Variants in UTP20 observed in about 807,000 individuals in gnomAD.
UTP20 encodes UTP20 small subunit processome component.
UTP20 carries 164 observed loss-of-function variants against 329.5 expected under a neutral mutation model. The ratio of observed to expected loss-of-function variants is 0.50; its 90% confidence interval spans 0.44 to 0.57. The LOEUF is 0.57. Among genes scored for constraint, UTP20 ranks in the 20% least tolerant of loss-of-function variants. UTP20 has a pLI of 0.00. For missense variants in UTP20, 3,055 were observed against 3,284.2 expected (o/e 0.93, Z 1.71); for synonymous variants, 1,151 against 1,159.3 (o/e 0.99, Z 0.14).
At chr12:101,354,705 G>A (rs1869656988) in intron 40 of UTP20, 127 bp from the exon 41 acceptor site, 2 of 969,094 alleles carry the variant, frequency 2.1e-6, no homozygotes, top group Admixed American at 2.6e-5. Context: ...CACTTACCTT[G>A]CCTGCCCACA....
chr12:101,373,633 A>C lies in UTP20; in HGVS notation c.6997A>C (p.Met2333Leu). 6.2e-7 allele frequency: 1 copy of C among 1,613,116 alleles called. No homozygotes were observed. Among genetic ancestry groups the C allele is most frequent in the Non-Finnish European group, 8.5e-7 (1 of 1,179,830 alleles). The change falls in exon 54 of 62, where the codon ATG (methionine) becomes CTG (leucine). Residue 2333 changes from methionine to leucine, a missense_variant. Around this residue, in one of 3 missense-constraint regions of UTP20, gnomAD observed 273 missense variants for 363.1 expected, o/e 0.75. Coordinates refer to ENST00000261637, the MANE Select transcript of UTP20 (RefSeq NM_014503.3). ...AATGTTCTTTATCCCTCTTTGTCTA[A>C]TGACGATCAATGATGACTCTGCCAC... ...CGMFFIPLCL[M>L]TINDDSATCK...
At position 101,290,197 on chromosome 12, in the gene UTP20, A is replaced by G. The variant is rs1490242538; in HGVS notation, c.658A>G (p.Lys220Glu). ...TCTTGATCTTGATAAACATCCAGAA[A>G]AAGTTGAAGGTGTTGGACAGTTGCT... ...MFLDLDKHPE[K>E]VEGVGQLLFE... is the part of the protein sequence containing the mutation. The change falls in exon 7 of 62, where the codon AAA becomes GAA. Residue 220 changes from lysine to glutamate, a missense_variant. Coordinates refer to ENST00000261637, the MANE Select transcript of UTP20 (RefSeq NM_014503.3). 3 of 1,609,134 alleles carry G rather than the reference A, an allele frequency of 1.9e-6. No homozygotes were observed. The highest frequency in any genetic ancestry group is 2.5e-6 in the Non-Finnish European group (3 of 1,177,604).
chr12:101,383,819 T>A, intron 60 of UTP20, 150 bp downstream of exon 60: 2 of 248,762 alleles, frequency 8.0e-6, no homozygotes, highest in South Asian at 3.1e-4. Context: ...TATATACTTA[T>A]ATATGTTTAT....
In UTP20 at chr12:101,378,545, C is replaced by G. The variant is rs918981085; in HGVS notation, c.7397-826C>G. ...ACCAGCCTGACCAACATGATGAAACCCTGTCTCTACTAAAAATACAAAAAT... is the reference window on the plus strand; with the variant it reads ...ACCAGCCTGACCAACATGATGAAACGCTGTCTCTACTAAAAATACAAAAAT... On this transcript the variant is annotated intron_variant, in intron 56 of 61. Coordinates refer to ENST00000261637, the MANE Select transcript of UTP20 (RefSeq NM_014503.3). Among the ~76,000 whole-genome samples, 4 of 152,028 alleles carry G rather than the reference C, an allele frequency of 2.6e-5. No individual in the cohort carries two copies. The South Asian group carries it at 8.3e-4, about 32-fold the overall frequency.
chr12:101,383,295 G>C lies in UTP20; in HGVS notation c.7911G>C (p.Ser2637=). ...SRIAKLEAAY[S]PRNPLKRTCI... ...TTGCAAAACTGGAAGCTGCTTATTC[G>C]CCGAGAAACCCCTTAAAGGTGCGAT... is the stretch of plus-strand genomic sequence containing the variant. Residue 2637 remains serine (S), a synonymous_variant, in exon 59 of 62, where the codon TCG becomes TCC. Transcript: ENST00000261637. 3 of 1,613,770 alleles carry C rather than the reference G, an allele frequency of 1.9e-6. No homozygotes were observed. The highest frequency in any genetic ancestry group is 1.7e-5 in the Admixed American group (1 of 59,952).
chr12:101,318,485 G>A (rs1335646166), intron 22 of UTP20, among the ~76,000 whole-genome samples: 1 of 152,134 alleles, frequency 6.6e-6, no homozygotes, highest in African/African-American at 2.4e-5. Flanking sequence ...AGTCAATCCT[G>A]CCTGGGTGAA....
At chr12:101,375,978 G>T (rs1227325553) in intron 56 of UTP20, among the ~76,000 whole-genome samples, 1 of 151,876 alleles carries the variant, frequency 6.6e-6, no homozygotes, top group Non-Finnish European at 1.5e-5. Flanking sequence ...ACCTTTCAAA[G>T]TCCTGTTTGG....
At chr12:101,334,332 C>T in intron 28 of UTP20, 93 bp from the exon 29 acceptor site, 2 of 1,035,520 alleles carry the variant, frequency 1.9e-6, no homozygotes, top group South Asian at 1.5e-5. Context: ...CTTTTTCATC[C>T]TGTGCTGTGA....
Position 101,383,647 on chromosome 12 carries a change from C to T in UTP20, c.8034C>T (p.Leu2678=), listed in dbSNP as rs766803850. The T allele has an allele frequency of 6.2e-7, 1 of 1,613,442 alleles. No individual in the cohort carries two copies. The highest frequency in any genetic ancestry group is 1.7e-5 in the Admixed American group (1 of 59,938). The change falls in exon 60 of 62, where the codon CTC becomes CTT. Residue 2678 remains leucine (L), a synonymous_variant. Coordinates refer to ENST00000261637, the MANE Select transcript of UTP20 (RefSeq NM_014503.3). ...PMIIAPLFRE[L]NSTYSEQDPL... ...TCATAGCTCCTTTGTTTCGGGAACT[C>T]AACAGCACCTATTCAGAGCAAGGTA...
chr12:101,308,209 T>C lies in UTP20; in HGVS notation c.2020T>C (p.Ser674Pro). Residue 674 changes from serine (S) to proline (P), a missense_variant, in exon 18 of 62, where the codon TCT (serine) becomes CCT (proline). By Grantham distance (74) the Ser-to-Pro change is moderately conservative. Transcript: ENST00000261637. ...MEDDGLSERQSVFAILRQAEL... is the reference protein window; with the variant it reads ...MEDDGLSERQPVFAILRQAEL... Reference sequence around the variant, plus strand: ...GGATGATGGGCTCTCAGAGCGGCAGTCTGTCTTTGCTATATTACGCCAGGC... The same window carrying C: ...GGATGATGGGCTCTCAGAGCGGCAGCCTGTCTTTGCTATATTACGCCAGGC... 6.2e-7 allele frequency: 1 copy of C among 1,611,394 alleles called. No homozygotes were observed. The highest frequency in any genetic ancestry group is 8.5e-7 in the Non-Finnish European group (1 of 1,178,786).
chr12:101,354,154 C>G (rs1019245453), intron 40 of UTP20, among the ~76,000 whole-genome samples: 1 of 149,438 alleles, frequency 6.7e-6, no homozygotes, highest in Non-Finnish European at 1.5e-5. Context: ...CTCAACTACT[C>G]AGGAGGCTAA....
chr12:101,298,570 G>A (rs991737405), intron 12 of UTP20, among the ~76,000 whole-genome samples: 4 of 152,116 alleles, frequency 2.6e-5, no homozygotes, highest in African/African-American at 9.7e-5. Context: ...GGGCCTTACA[G>A]GATGACTTAA....
At chr12:101,329,691 C>A (rs1868694796) in intron 27 of UTP20, among the ~76,000 whole-genome samples, 2 of 152,006 alleles carry the variant, frequency 1.3e-5, no homozygotes, top group Admixed American at 1.3e-4. Flanking sequence ...GGAGAAAAAG[C>A]AATCAATAAA....
chr12:101,285,973 T>C, intron 4 of UTP20, 92 bp downstream of exon 4: 1 of 1,497,324 alleles, frequency 6.7e-7, no homozygotes, highest in Non-Finnish European at 9.0e-7. Context: ...GCAGATCAGG[T>C]GCTCATAATT....
At position 101,383,150 on chromosome 12, in the gene UTP20, A is replaced by G; in HGVS notation, c.7766A>G (p.Glu2589Gly). ...GACCTGGAAGAACAAGAAGCTTTAG[A>G]AGATGGTGTGGCCTGTGCAGATGAG... Reference protein sequence around the residue: ...KEDLEEQEALEDGVACADEKA... With the variant: ...KEDLEEQEALGDGVACADEKA... Residue 2589 changes from glutamate (E) to glycine (G), a missense_variant, in exon 59 of 62, where the codon GAA becomes GGA. Physicochemically the swap from Glu to Gly is moderately conservative, Grantham distance 98. Coordinates refer to ENST00000261637, the MANE Select transcript of UTP20 (RefSeq NM_014503.3). The G allele has an allele frequency of 6.2e-7, 1 of 1,614,090 alleles. No individual in the cohort carries two copies. Among genetic ancestry groups the G allele is most frequent in the Admixed American group, 1.7e-5 (1 of 60,010 alleles).
chr12:101,334,387 T>C (rs566567507), intron 28 of UTP20, 38 bp from the exon 29 acceptor site: 1 of 1,554,944 alleles, frequency 6.4e-7, no homozygotes, highest in African/African-American at 1.4e-5. Context: ...TAATTTGGTA[T>C]ATGTATTTGG....
chr12:101,373,726 T>C lies in UTP20; in HGVS notation c.7090T>C (p.Trp2364Arg). Residue 2364 changes from tryptophan (W) to arginine (R), a missense_variant, in exon 54 of 62, where the codon TGG becomes CGG. Trp to Arg is a moderately radical substitution (Grantham distance 101). This residue lies in a region of UTP20 where 273 missense variants were observed against 363.1 expected (regional missense o/e 0.75). Coordinates refer to ENST00000261637, the MANE Select transcript of UTP20 (RefSeq NM_014503.3). ...LGKISLEKKD[W>R]LFDMVTTWFG... ...TAAAATCAGCCTCGAGAAAAAAGATTGGCTGTTTGATATGGTTACCACTTG... is the reference window on the plus strand; with the variant it reads ...TAAAATCAGCCTCGAGAAAAAAGATCGGCTGTTTGATATGGTTACCACTTG... 6.2e-7 allele frequency: 1 copy of C among 1,611,814 alleles called. No individual in the cohort carries two copies. The highest frequency in any genetic ancestry group is 8.5e-7 in the Non-Finnish European group (1 of 1,179,574).
intron 43 of UTP20, among the ~76,000 whole-genome samples, chr12:101,359,501 G>GTGTATA (rs369609654): frequency 2.0e-5 from 3 of 147,800 alleles, no homozygotes; most frequent in East Asian, 4.0e-4. Flanking sequence ...ATGTGTGTGT[G>GTGTATA]TATATATATA....
intron 12 of UTP20, among the ~76,000 whole-genome samples, chr12:101,298,210 C>G (rs1872419771): frequency 1.3e-5 from 2 of 152,198 alleles, no homozygotes; most frequent in South Asian, 4.2e-4. Flanking sequence ...GAAAAAAGTT[C>G]CTTCTTTTGG....
Sources: gnomAD v4.1 joint callset for allele counts (sites outside exome capture counted in the v4.1 genomes callset) on GRCh38, gnomAD v4.1.1 for gene constraint, gnomAD v4.1.1 regional missense constraint, MANE v1.5 for transcripts, NCBI Gene and HGNC (gene_info 2026-07-23, HGNC 2026-07-21) for gene names.